TACR3: variants seen among roughly 807,000 people sequenced by gnomAD.
TACR3 encodes neuromedin-K receptor.
In TACR3, 34 loss-of-function variants were observed where a neutral mutation model predicts 35.0. That is an observed-to-expected ratio of 0.97 (90% CI 0.74 to 1.30). The LOEUF (loss-of-function observed/expected upper bound fraction) is 1.30. Ranked by LOEUF, TACR3 falls within the 50% of genes most tolerant of loss-of-function variation. The pLI, the probability that TACR3 is intolerant of heterozygous loss-of-function variation, is 0.00. For missense variants in TACR3, 558 were observed against 591.7 expected (o/e 0.94, Z 0.59); for synonymous variants, 233 against 221.1 (o/e 1.05, Z -0.48).
intron 3 of TACR3, among the ~76,000 whole-genome samples, chr4:103,653,887 G>C (rs1007175158): frequency 6.6e-6 from 1 of 152,206 alleles, no homozygotes; most frequent in Non-Finnish European, 1.5e-5. Context: ...GTGGGCGAAG[G>C]ATATGAACAG....
rs150952688 is a variant in TACR3, at chr4:103,669,612, T to G, written c.549-11209A>C. On this transcript the variant is annotated intron_variant, in intron 1 of 4. Coordinates refer to ENST00000304883, the MANE Select transcript of TACR3 (RefSeq NM_001059.3). ...ATGATTAGTGATTCTGAGCATTTTT[T>G]TAATATACTTGTTGATGATTTGTAT... is the stretch of plus-strand genomic sequence containing the variant. 3.9e-3 allele frequency among the ~76,000 whole-genome samples: 589 copies of G among 152,256 alleles called. 27 individuals are homozygous for G. In the East Asian group the frequency reaches 0.082, roughly 21 times the overall value.
intron 1 of TACR3, among the ~76,000 whole-genome samples, chr4:103,699,969 A>G (rs1489289759): frequency 1.3e-5 from 2 of 152,150 alleles, no homozygotes; most frequent in Admixed American, 6.5e-5. Flanking sequence ...AATTTCATGG[A>G]ATTACGAGCC....
In TACR3 at chr4:103,719,915, C is replaced by T. The variant is rs1723177487; in HGVS notation, c.-240G>A. 1.7e-6 allele frequency: 1 copy of T among 595,858 alleles called. No individual in the cohort carries two copies. Among genetic ancestry groups the T allele is most frequent in the Non-Finnish European group, 3.0e-6 (1 of 335,440 alleles). The allele number at this position is 595,858 out of a possible 1,614,324, so 36.9% of individuals were successfully genotyped here. On this transcript the variant is annotated 5_prime_UTR_variant, in exon 1 of 5. Coordinates refer to ENST00000304883, the MANE Select transcript of TACR3 (RefSeq NM_001059.3). ...GCAGGCAGAAAGAATGAGATCCTCC[C>T]GAGATTAAGGGTTATCGAGTCACAT...
chr4:103,595,882 C>T (rs1578217541), intron 3 of TACR3, among the ~76,000 whole-genome samples: 1 of 143,830 alleles, frequency 7.0e-6, no homozygotes, highest in Non-Finnish European at 1.5e-5. Flanking sequence ...GTATATCTCC[C>T]AATGCTATCC....
chr4:103,617,484 A>C (rs1405411271), intron 3 of TACR3, among the ~76,000 whole-genome samples: 7 of 152,156 alleles, frequency 4.6e-5, no homozygotes, highest in Non-Finnish European at 1.0e-4. Context: ...ATTTGTTTTC[A>C]TCATTACTAG....
intron 2 of TACR3, 91 bp from the exon 3 acceptor site, chr4:103,656,435 C>T (rs1473465190): frequency 8.1e-7 from 1 of 1,239,794 alleles, no homozygotes; most frequent in Non-Finnish European, 1.2e-6. Flanking sequence ...ATAATTAAAA[C>T]TACCAAGAGT....
chr4:103,597,549 C>T (rs935700525), intron 3 of TACR3, among the ~76,000 whole-genome samples: 30 of 152,220 alleles, frequency 2.0e-4, no homozygotes, highest in African/African-American at 7.2e-4. Context: ...TGGTCTGCTG[C>T]ACCCATTAAC....
At chr4:103,698,797 G>A (rs1342999880) in intron 1 of TACR3, among the ~76,000 whole-genome samples, 1 of 149,786 alleles carries the variant, frequency 6.7e-6, no homozygotes, top group African/African-American at 2.5e-5. Flanking sequence ...GAGTGGAATT[G>A]AGATGTTCCT....
intron 1 of TACR3, among the ~76,000 whole-genome samples, chr4:103,660,333 G>A (rs1484204152): frequency 6.6e-6 from 1 of 151,972 alleles, no homozygotes; most frequent in Non-Finnish European, 1.5e-5. Context: ...CCAAATATAT[G>A]TAGTATCTAA....
chr4:103,606,953 T>C (rs1185358415), intron 3 of TACR3, among the ~76,000 whole-genome samples: 2 of 152,134 alleles, frequency 1.3e-5, no homozygotes, highest in Non-Finnish European at 1.5e-5. Context: ...ATATTGGCTG[T>C]GGGTTTGTCA....
At chr4:103,643,390 T>C (rs533993484) in intron 3 of TACR3, among the ~76,000 whole-genome samples, 1 of 149,826 alleles carries the variant, frequency 6.7e-6, no homozygotes, top group South Asian at 2.1e-4. Context: ...AGGGGGGAGA[T>C]TGCCAGTCTG....
intron 1 of TACR3, among the ~76,000 whole-genome samples, chr4:103,715,912 T>C (rs575935551): frequency 6.6e-6 from 1 of 152,308 alleles, no homozygotes; most frequent in South Asian, 2.1e-4. Flanking sequence ...ATATGTTATA[T>C]ATACATGTAA....
At chr4:103,664,739 A>T (rs982192810) in intron 1 of TACR3, among the ~76,000 whole-genome samples, 1 of 152,146 alleles carries the variant, frequency 6.6e-6, no homozygotes, top group Non-Finnish European at 1.5e-5. Context: ...TGAGAGATAC[A>T]TGACCTTTGT....
Position 103,591,509 on chromosome 4 carries a change from T to G in TACR3, c.1063A>C (p.Ile355Leu), listed in dbSNP as rs1453454464. ...AMSSTMYNPI[I>L]YCCLNKRFRA... Reference sequence around the variant, plus strand: ...TACCTTTTATTCAGACAGCAGTAGATGATGGGATTGTACATGGTTGAGCTC... The same window carrying G: ...TACCTTTTATTCAGACAGCAGTAGAGGATGGGATTGTACATGGTTGAGCTC... Residue 355 changes from isoleucine (I) to leucine (L), a missense_variant, in exon 4 of 5, where the codon ATC becomes CTC. Ile to Leu is a conservative substitution (Grantham distance 5, BLOSUM62 2). Coordinates refer to ENST00000304883, the MANE Select transcript of TACR3 (RefSeq NM_001059.3). 6.2e-7 allele frequency: 1 copy of G among 1,613,864 alleles called. No individual in the cohort carries two copies. Among genetic ancestry groups the G allele is most frequent in the Admixed American group, 1.7e-5 (1 of 59,998 alleles).
At chr4:103,635,530 G>T (rs1266299436) in intron 3 of TACR3, among the ~76,000 whole-genome samples, 1 of 151,994 alleles carries the variant, frequency 6.6e-6, no homozygotes, top group Non-Finnish European at 1.5e-5. Context: ...AAAGTGGGTT[G>T]CTTTGGTGAC....
chr4:103,630,853 T>TCATG (rs1309146551), intron 3 of TACR3, among the ~76,000 whole-genome samples: 8 of 152,168 alleles, frequency 5.3e-5, no homozygotes, highest in African/African-American at 1.9e-4. Flanking sequence ...GGATTATAAA[T>TCATG]CATGCTACTA....
chr4:103,637,366 A>G (rs1270355125), intron 3 of TACR3, among the ~76,000 whole-genome samples: 2 of 152,198 alleles, frequency 1.3e-5, no homozygotes, highest in African/African-American at 4.8e-5. Context: ...GATGCAGGAA[A>G]GGCCTTTGAC....
rs1732794394 is a variant in TACR3 at position 103,642,250 on chromosome 4, C to G, written c.888+13944G>C. Among the ~76,000 whole-genome samples, 5 of 150,792 alleles carry G rather than the reference C, an allele frequency of 3.3e-5. No homozygotes were observed. In the Admixed American group the frequency reaches 3.3e-4, roughly 10 times the overall value. Reference sequence around the variant, plus strand: ...TAATCACATTGTATATATATAATCACATCATATATAATCACATTGTACCTC... The same window carrying G: ...TAATCACATTGTATATATATAATCAGATCATATATAATCACATTGTACCTC... On this transcript the variant is annotated intron_variant, in intron 3 of 4. Transcript: ENST00000304883.
chr4:103,662,169 G>T (rs958472244), intron 1 of TACR3, among the ~76,000 whole-genome samples: 2 of 150,816 alleles, frequency 1.3e-5, no homozygotes, highest in Admixed American at 6.6e-5. Flanking sequence ...GGGTTGCAAA[G>T]ATTTCTGGGA....
Sources: allele counts gnomAD v4.1 joint callset (sites outside exome capture counted in the v4.1 genomes callset), GRCh38; gene constraint gnomAD v4.1.1; transcripts MANE v1.5; gene names NCBI Gene and HGNC (gene_info 2026-07-23, HGNC 2026-07-21).